Variants in CRACD observed in about 807,000 individuals in gnomAD.
CRACD encodes capping protein inhibiting regulator of actin dynamics.
A neutral mutation model predicts 106.8 loss-of-function variants in CRACD; 56 were observed. The observed-to-expected ratio is 0.52, with a 90% CI of 0.42 to 0.66. CRACD has a LOEUF of 0.66. Ranked by LOEUF, CRACD falls within the 30% of genes least tolerant of loss-of-function variation. The probability of loss-of-function intolerance (pLI) is 0.00; values close to 1 mark genes in which losing one functional copy is unlikely to be tolerated. For synonymous variants in CRACD, 754 were observed against 670.8 expected (o/e 1.12, Z -1.92); for missense variants, 1,730 against 1,623.2 (o/e 1.07, Z -1.13).
intron 1 of CRACD, among the ~76,000 whole-genome samples, chr4:56,115,175 G>A (rs888981435): frequency 6.6e-6 from 1 of 152,092 alleles, no homozygotes; most frequent in Non-Finnish European, 1.5e-5. Context: ...ACTGGAAATT[G>A]TTCACAGTTG....
At position 56,279,034 on chromosome 4, in the gene CRACD, A is replaced by G. The variant is rs192131767; in HGVS notation, c.-17+6542A>G. Among the ~76,000 whole-genome samples, 201 of 152,278 alleles carry G rather than the reference A, an allele frequency of 1.3e-3. 1 individual carries two copies. The highest frequency in any genetic ancestry group is 3.8e-3 in the African/African-American group (156 of 41,562). ...TATATAGGGATTGGAACCCTCACACATTGCTGGTGGGAATATAAAATATTA... is the reference window on the plus strand; with the variant it reads ...TATATAGGGATTGGAACCCTCACACGTTGCTGGTGGGAATATAAAATATTA... On this transcript the variant is annotated intron_variant, in intron 3 of 10. Coordinates refer to ENST00000682029, the MANE Select transcript of CRACD (RefSeq NM_001393381.1).
chr4:56,210,862 A>C (rs866401376), intron 2 of CRACD, among the ~76,000 whole-genome samples: 5 of 152,190 alleles, frequency 3.3e-5, no homozygotes, highest in African/African-American at 1.2e-4. Context: ...GAGCAAAGGA[A>C]GAGTTCTCCA....
intron 2 of CRACD, among the ~76,000 whole-genome samples, chr4:56,182,680 CT>C (rs1736882803): frequency 6.6e-6 from 1 of 152,138 alleles, no homozygotes; most frequent in Non-Finnish European, 1.5e-5. Flanking sequence ...AACTGATGTT[CT>C]ACCTCAGCTT....
At chr4:56,052,253 G>A (rs558347135) in intron 1 of CRACD, among the ~76,000 whole-genome samples, 1 of 152,144 alleles carries the variant, frequency 6.6e-6, no homozygotes, top group African/African-American at 2.4e-5. Flanking sequence ...CAGATACATT[G>A]TAAATATCTG....
chr4:56,142,838 T>A (rs757133877), intron 1 of CRACD, among the ~76,000 whole-genome samples: 1 of 152,102 alleles, frequency 6.6e-6, no homozygotes, highest in Non-Finnish European at 1.5e-5. Flanking sequence ...ATTCCTACAC[T>A]AAATCTCAAT....
intron 1 of CRACD, among the ~76,000 whole-genome samples, chr4:56,104,101 G>GA (rs1217203708): frequency 2.0e-5 from 3 of 152,056 alleles, no homozygotes; most frequent in Non-Finnish European, 4.4e-5. Flanking sequence ...ATTCACTATC[G>GA]AAAAAAATAA....
intron 8 of CRACD, 59 bp downstream of exon 8, chr4:56,316,748 A>AT: frequency 6.9e-7 from 1 of 1,447,504 alleles, no homozygotes; most frequent in South Asian, 1.5e-5. Flanking sequence ...CAGGGCATCA[A>AT]GAAGAGATCC....
intron 2 of CRACD, among the ~76,000 whole-genome samples, chr4:56,190,811 C>T (rs973222724): frequency 6.6e-6 from 1 of 152,136 alleles, no homozygotes; most frequent in African/African-American, 2.4e-5. Flanking sequence ...AGTGGGGATT[C>T]TGTGTGGGGG....
intron 1 of CRACD, among the ~76,000 whole-genome samples, chr4:56,104,053 C>A (rs1455108866): frequency 6.6e-6 from 1 of 152,178 alleles, no homozygotes; most frequent in African/African-American, 2.4e-5. Flanking sequence ...AGATTATAGG[C>A]TTGAGCCACT....
chr4:56,227,520 C>T (rs1378235966), intron 2 of CRACD, among the ~76,000 whole-genome samples: 8 of 152,120 alleles, frequency 5.3e-5, no homozygotes, highest in Admixed American at 1.3e-4. Flanking sequence ...AATTACTTTA[C>T]GATCCCCTTA....
chr4:56,323,354 G>A (rs748831979), intron 8 of CRACD, 23 bp from the exon 9 acceptor site: 17 of 1,581,568 alleles, frequency 1.1e-5, no homozygotes, highest in East Asian at 2.3e-5. Context: ...ATTGCAAACC[G>A]TTCTTTGTCT....
chr4:56,067,094 C>G (rs1019766090), intron 1 of CRACD, among the ~76,000 whole-genome samples: 4 of 151,950 alleles, frequency 2.6e-5, no homozygotes, highest in African/African-American at 9.7e-5. Context: ...CAAGATTATA[C>G]AAGAGCCTTT....
chr4:56,133,498 G>T (rs1213433005), intron 1 of CRACD, among the ~76,000 whole-genome samples: 2 of 152,234 alleles, frequency 1.3e-5, no homozygotes, highest in Admixed American at 1.3e-4. Flanking sequence ...AATAAACATG[G>T]ATTTAAATGT....
intron 1 of CRACD, among the ~76,000 whole-genome samples, chr4:56,152,006 G>C (rs1201388380): frequency 1.5e-5 from 2 of 135,310 alleles, no homozygotes; most frequent in East Asian, 4.0e-4. Flanking sequence ...TGAGCAAATA[G>C]TTTTTTCTTT....
At chr4:56,213,677 T>C (rs759333597) in intron 2 of CRACD, among the ~76,000 whole-genome samples, 2 of 152,222 alleles carry the variant, frequency 1.3e-5, no homozygotes, top group Non-Finnish European at 2.9e-5. Context: ...AGTTTGGTGT[T>C]TGCCTTATTT....
chr4:56,244,263 C>T lies in CRACD; in HGVS notation c.-188-28058C>T, dbSNP rs76600765. On this transcript the variant is annotated intron_variant, in intron 2 of 10. Coordinates refer to ENST00000682029, the MANE Select transcript of CRACD (RefSeq NM_001393381.1). Reference sequence around the variant, plus strand: ...CATATGCTGGCAATGATGTTATGGGCCTGATAATGAGGGGGCCTGGAAGGG... The same window carrying T: ...CATATGCTGGCAATGATGTTATGGGTCTGATAATGAGGGGGCCTGGAAGGG... 3.7e-3 allele frequency among the ~76,000 whole-genome samples: 565 copies of T among 151,906 alleles called. 6 individuals carry two copies. Among genetic ancestry groups the T allele is most frequent in the African/African-American group, 0.013 (536 of 41,444 alleles).
At chr4:56,134,199 CAAAAAGAAAAAA>C (rs1734920986) in intron 1 of CRACD, among the ~76,000 whole-genome samples, 1 of 134,182 alleles carries the variant, frequency 7.5e-6, no homozygotes, top group South Asian at 2.8e-4. Context: ...GACCCTGTCT[CAAAAAGAAAAAA>C]AAAAAGAAAT....
chr4:56,145,560 C>G (rs907978718), intron 1 of CRACD, among the ~76,000 whole-genome samples: 1 of 151,982 alleles, frequency 6.6e-6, no homozygotes, highest in Non-Finnish European at 1.5e-5. Context: ...TAATAAATCT[C>G]TTTGTTTTCT....
intron 6 of CRACD, among the ~76,000 whole-genome samples, chr4:56,311,981 G>GTT (rs1043295734): frequency 2.7e-5 from 4 of 150,772 alleles, no homozygotes; most frequent in Non-Finnish European, 5.9e-5. Flanking sequence ...CTGAGGTTGT[G>GTT]TTTTTTTTTA....
Sources: allele counts gnomAD v4.1 joint callset (sites outside exome capture counted in the v4.1 genomes callset), GRCh38; gene constraint gnomAD v4.1.1; transcripts MANE v1.5; gene names NCBI Gene and HGNC (gene_info 2026-07-23, HGNC 2026-07-21).